DZANK1: variants seen among roughly 807,000 people sequenced by gnomAD.
DZANK1 encodes the protein double zinc ribbon and ankyrin repeat domains 1.
In DZANK1, 91 loss-of-function variants were observed where a neutral mutation model predicts 94.5. The observed-to-expected ratio is 0.96, with a 90% CI of 0.81 to 1.15. The LOEUF (loss-of-function observed/expected upper bound fraction) is 1.15. Among genes scored for constraint, DZANK1 ranks in the 50% most tolerant of loss-of-function variants. The pLI is 0.00. For synonymous variants in DZANK1, 312 were observed against 325.3 expected (o/e 0.96, Z 0.44); for missense variants, 903 against 916.4 (o/e 0.99, Z 0.19).
At chr20:18,415,529 A>C in intron 10 of DZANK1, 80 bp from the exon 11 acceptor site, 1 of 1,300,644 alleles carries the variant, frequency 7.7e-7, no homozygotes, top group Non-Finnish European at 9.9e-7. Flanking sequence ...AAGATAAAAA[A>C]TTCCCAGACA....
intron 6 of DZANK1, among the ~76,000 whole-genome samples, chr20:18,451,456 A>T (rs2059098572): frequency 6.6e-6 from 1 of 151,992 alleles, no homozygotes; most frequent in Admixed American, 6.6e-5. Context: ...TCAACCTCTA[A>T]GTTGAGGACT....
chr20:18,402,710 C>T (rs954375927), intron 13 of DZANK1, among the ~76,000 whole-genome samples: 3 of 152,190 alleles, frequency 2.0e-5, no homozygotes, highest in African/African-American at 4.8e-5. Context: ...AATAAACTTT[C>T]ACTCCTGCTC....
intron 4 of DZANK1, chr20:18,454,261 T>C: frequency 2.9e-6 from 1 of 347,320 alleles, no homozygotes. Context: ...CCCTCACACC[T>C]GATTCAAGCC....
At chr20:18,392,046 G>C (rs921239419) in intron 17 of DZANK1, among the ~76,000 whole-genome samples, 8 of 152,140 alleles carry the variant, frequency 5.3e-5, no homozygotes, top group African/African-American at 1.2e-4. Flanking sequence ...AACAGTGCCT[G>C]GTACACGTGT....
At chr20:18,398,251 C>A in intron 14 of DZANK1, 1 of 429,906 alleles carries the variant, frequency 2.3e-6, no homozygotes, top group Non-Finnish European at 4.3e-6. Flanking sequence ...TTCATTCTGA[C>A]TGTTAGAATT....
At chr20:18,436,596 C>T in intron 8 of DZANK1, among the ~76,000 whole-genome samples, 1 of 151,832 alleles carries the variant, frequency 6.6e-6, no homozygotes, top group East Asian at 1.9e-4. Context: ...ACATCAAAAA[C>T]GTATGGGGCA....
intron 13 of DZANK1, among the ~76,000 whole-genome samples, chr20:18,409,551 T>TACACACAC (rs71194238): frequency 0.02 from 2,813 of 142,602 alleles, 90 homozygotes; most frequent in African/African-American, 0.068. Flanking sequence ...GTAATATGAA[T>TACACACAC]ACACACACAC....
At chr20:18,385,497 C>A (rs2048429362) in intron 19 of DZANK1, among the ~76,000 whole-genome samples, 1 of 151,114 alleles carries the variant, frequency 6.6e-6, no homozygotes, top group Admixed American at 6.6e-5. Context: ...CTCACTGCAA[C>A]CTCCGACTCC....
rs2057398155 is a variant in DZANK1 at position 18,414,532 on chromosome 20, T to C, written c.1078-20A>G. 6.4e-7 allele frequency: 1 copy of C among 1,571,018 alleles called. No homozygotes were observed. The highest frequency in any genetic ancestry group is 1.9e-5 in the Admixed American group (1 of 52,800). ...GCCGAGCTAGAGGATAGAAAATATC[T>C]TGATGAATATTAGAGTTATAATTTC... On this transcript the variant is annotated intron_variant, in intron 11 of 20. Coordinates refer to ENST00000262547, the Ensembl canonical transcript of DZANK1.
intron 7 of DZANK1, among the ~76,000 whole-genome samples, chr20:18,445,087 G>A (rs543631807): frequency 5.3e-5 from 8 of 152,160 alleles, no homozygotes; most frequent in African/African-American, 1.7e-4. Context: ...GATTACAGGC[G>A]TGAGCCACCG....
In DZANK1 at chr20:18,452,744, A is replaced by G; in HGVS notation, c.476-62T>C. 1 of 1,553,532 alleles carries G rather than the reference A, an allele frequency of 6.4e-7. No homozygotes were observed. Among genetic ancestry groups the G allele is most frequent in the Non-Finnish European group, 8.7e-7 (1 of 1,149,906 alleles). ...TTCTTTCACCTACCTGGACGTCTAC[A>G]ATGATATTAAAAACATTATTCTTTG... On this transcript the variant is annotated intron_variant, in intron 5 of 20. Transcript: ENST00000262547.
rs534486823 is a variant in DZANK1 at position 18,441,590 on chromosome 20, T to C, written c.747+1757A>G. Among the ~76,000 whole-genome samples the C allele has an allele frequency of 6.6e-6, 1 of 152,278 alleles. No individual in the cohort carries two copies. The highest frequency in any genetic ancestry group is 2.4e-5 in the African/African-American group (1 of 41,536). On this transcript the variant is annotated intron_variant, in intron 8 of 20. Coordinates refer to ENST00000262547, the Ensembl canonical transcript of DZANK1. The surrounding 1 kb of genome is among the most constrained non-coding windows in gnomAD (Gnocchi z 4.1). ...GAGGATCAAATTTGGAAGAGGCACT[T>C]ACTTTGCCCCACATCCAAGGCTGAA...
intron 13 of DZANK1, among the ~76,000 whole-genome samples, chr20:18,409,045 T>C (rs1034699283): frequency 1.3e-5 from 2 of 152,212 alleles, no homozygotes; most frequent in African/African-American, 4.8e-5. Flanking sequence ...TTAGTTTCCA[T>C]TTTGCAAGTT....
At chr20:18,392,431 T>C (rs184899808) in intron 17 of DZANK1, among the ~76,000 whole-genome samples, 2 of 152,298 alleles carry the variant, frequency 1.3e-5, no homozygotes, top group East Asian at 3.9e-4. Flanking sequence ...GGGCAGCTAG[T>C]GCACTGACAA....
chr20:18,413,121 T>G (rs1423028041), intron 12 of DZANK1: 1 of 518,342 alleles, frequency 1.9e-6, no homozygotes, highest in African/African-American at 1.9e-5. Flanking sequence ...GGAAGATATC[T>G]ATCCTTTTCA....
intron 15 of DZANK1, 40 bp downstream of exon 15, chr20:18,396,432 G>T: frequency 1.4e-6 from 2 of 1,468,292 alleles, no homozygotes; most frequent in Non-Finnish European, 1.9e-6. Context: ...TTTACTAATC[G>T]GTCAGTTCTC....
At chr20:18,450,288 C>T (rs2059054196) in intron 6 of DZANK1, among the ~76,000 whole-genome samples, 1 of 151,636 alleles carries the variant, frequency 6.6e-6, no homozygotes, top group South Asian at 2.1e-4. Flanking sequence ...TAGTGGCTCA[C>T]ATTTGTAACC....
At chr20:18,433,812 G>T (rs371035700) in intron 8 of DZANK1, 47 bp from the exon 9 acceptor site, 6 of 1,503,700 alleles carry the variant, frequency 4.0e-6, no homozygotes, top group Non-Finnish European at 5.5e-6. Context: ...AAAACTGAAG[G>T]TATGAATAGA....
chr20:18,423,641 G>T (rs2057899303), intron 10 of DZANK1, among the ~76,000 whole-genome samples: 1 of 152,104 alleles, frequency 6.6e-6, no homozygotes, highest in Non-Finnish European at 1.5e-5. Flanking sequence ...ACCATTAATG[G>T]AATTAAATTT....
Sources: gnomAD v4.1 joint callset for allele counts (sites outside exome capture counted in the v4.1 genomes callset) on GRCh38, gnomAD v4.1.1 for gene constraint, Gnocchi (gnomAD v3.1) non-coding constraint, MANE v1.5 for transcripts, NCBI Gene and HGNC (gene_info 2026-07-23, HGNC 2026-07-21) for gene names.